PNOC: variants seen among roughly 807,000 people sequenced by gnomAD.
PNOC encodes prepronociceptin.
In PNOC, 10 loss-of-function variants were observed where a neutral mutation model predicts 15.6. The observed-to-expected ratio is 0.64, with a 90% confidence interval of 0.40 to 1.09. The LOEUF (loss-of-function observed/expected upper bound fraction) is 1.09, where lower values mean the gene tolerates loss of function less well. PNOC is among the 50% of genes least tolerant of loss of function. The probability of loss-of-function intolerance (pLI) is 0.01; values close to 1 mark genes in which losing one functional copy is unlikely to be tolerated. For synonymous variants in PNOC, 98 were observed against 88.5 expected, an observed-to-expected ratio of 1.11 and a Z score of -0.60; for missense variants, 220 against 223.9, an observed-to-expected ratio of 0.98 and a Z score of 0.11.
intron 2 of PNOC, 93 bp from the exon 3 acceptor site, chr8:28,338,947 T>C: frequency 2.4e-6 from 3 of 1,242,858 alleles, no homozygotes; most frequent in Non-Finnish European, 3.4e-6. Context: ...TCAGAAGCAC[T>C]TGCACTGGTG....
intron 2 of PNOC, among the ~76,000 whole-genome samples, chr8:28,331,472 C>A (rs1801328569): frequency 6.6e-6 from 1 of 152,154 alleles, no homozygotes; most frequent in Non-Finnish European, 1.5e-5. Flanking sequence ...AGATTCTCTG[C>A]TTTTCACCTC....
intron 1 of PNOC, among the ~76,000 whole-genome samples, chr8:28,318,232 T>G (rs1180328462): frequency 6.6e-6 from 1 of 152,196 alleles, no homozygotes; most frequent in Admixed American, 6.5e-5. Flanking sequence ...AATCTCGCTC[T>G]GAACATGGGC....
At chr8:28,336,879 G>C (rs2614112) in intron 2 of PNOC, among the ~76,000 whole-genome samples, 49,604 of 151,624 alleles carry the variant, frequency 0.33, 9,980 homozygotes, top group Non-Finnish European at 0.46. Context: ...TGAGAGAGGA[G>C]GAAAAGATAT....
rs184561491 is a variant in PNOC, at chr8:28,337,842, C to T, written c.127-1198C>T. 5.4e-3 allele frequency among the ~76,000 whole-genome samples: 814 copies of T among 151,948 alleles called. 7 individuals carry two copies. Among genetic ancestry groups the T allele is most frequent in the African/African-American group, 0.018 (766 of 41,408 alleles). Reference sequence around the variant, plus strand: ...TCCTGACCTCGTGATCCACCCGCCTCGGCCTCCCAAAGTGCTGGGATTACA... The same window carrying T: ...TCCTGACCTCGTGATCCACCCGCCTTGGCCTCCCAAAGTGCTGGGATTACA... On this transcript the variant is annotated intron_variant, in intron 2 of 3. Transcript: ENST00000301908.
chr8:28,333,229 G>C (rs897284012), intron 2 of PNOC, among the ~76,000 whole-genome samples: 7 of 152,116 alleles, frequency 4.6e-5, no homozygotes, highest in Non-Finnish European at 1.0e-4. Flanking sequence ...TCCCCAATGG[G>C]TTCATATGCC....
intron 1 of PNOC, among the ~76,000 whole-genome samples, chr8:28,319,860 T>A (rs1041148609): frequency 6.6e-6 from 1 of 152,158 alleles, no homozygotes; most frequent in Admixed American, 6.5e-5. Flanking sequence ...TGGCTTGAAT[T>A]GCTGGGCAGT....
intron 2 of PNOC, among the ~76,000 whole-genome samples, chr8:28,333,146 ATGTCTCT>A (rs1382062162): frequency 6.6e-6 from 1 of 152,138 alleles, no homozygotes; most frequent in Non-Finnish European, 1.5e-5. Context: ...TAGCTCCCAA[ATGTCTCT>A]TGGTCAGAAG....
At chr8:28,338,064 ACGCTATGAT>A (rs1801443848) in intron 2 of PNOC, among the ~76,000 whole-genome samples, 1 of 152,202 alleles carries the variant, frequency 6.6e-6, no homozygotes, top group Non-Finnish European at 1.5e-5. Context: ...CAGGAGCTCC[ACGCTATGAT>A]GAGGAGCTCT....
At chr8:28,320,121 T>TTTTC (rs11441645) in intron 1 of PNOC, among the ~76,000 whole-genome samples, 1 of 127,600 alleles carries the variant, frequency 7.8e-6, no homozygotes, top group Admixed American at 7.7e-5. Context: ...TTTTTTTTTT[T>TTTTC]CAAAATACTG....
At chr8:28,334,704 G>C (rs1801384477) in intron 2 of PNOC, among the ~76,000 whole-genome samples, 1 of 152,048 alleles carries the variant, frequency 6.6e-6, no homozygotes, top group Non-Finnish European at 1.5e-5. Flanking sequence ...ATGTTGCCCA[G>C]GCTGCTCTCA....
intron 1 of PNOC, among the ~76,000 whole-genome samples, chr8:28,320,048 G>A (rs1003411376): frequency 8.4e-5 from 12 of 142,484 alleles, no homozygotes; most frequent in African/African-American, 2.6e-4. Flanking sequence ...AATTTTCCAC[G>A]ATCCTGTGGG....
At chr8:28,328,956 C>T (rs1377520723) in intron 1 of PNOC, among the ~76,000 whole-genome samples, 179 bp from the exon 2 acceptor site, 2 of 152,142 alleles carry the variant, frequency 1.3e-5, no homozygotes, top group Non-Finnish European at 2.9e-5. Context: ...AGGTGATAGG[C>T]AGGGTCGCCT....
chr8:28,342,560 C>A (rs1801541283), intron 3 of PNOC, among the ~76,000 whole-genome samples: 1 of 152,118 alleles, frequency 6.6e-6, no homozygotes, highest in African/African-American at 2.4e-5. Context: ...GGAAACTGAG[C>A]ACATTCATTC....
chr8:28,340,691 T>C (rs1355630994), intron 3 of PNOC, among the ~76,000 whole-genome samples: 2 of 152,220 alleles, frequency 1.3e-5, no homozygotes, highest in African/African-American at 4.8e-5. Flanking sequence ...ACAAGAAGCA[T>C]GGCACCCGCA....
intron 1 of PNOC, among the ~76,000 whole-genome samples, chr8:28,320,014 T>C (rs546084725): frequency 5.3e-5 from 8 of 151,928 alleles, no homozygotes; most frequent in Admixed American, 2.0e-4. Flanking sequence ...TCTCCCTGGA[T>C]AGGCTACAAT....
At chr8:28,337,728 G>A (rs1036937343) in intron 2 of PNOC, among the ~76,000 whole-genome samples, 20 of 150,432 alleles carry the variant, frequency 1.3e-4, no homozygotes, top group African/African-American at 4.9e-4. Context: ...GACTACAGGC[G>A]CCCGCCACCA....
At chr8:28,331,831 GC>G (rs1801334347) in intron 2 of PNOC, among the ~76,000 whole-genome samples, 1 of 152,190 alleles carries the variant, frequency 6.6e-6, no homozygotes. Context: ...TATGGAGTGA[GC>G]TTTCTTTACT....
chr8:28,324,561 TTAG>T (rs1336781238), intron 1 of PNOC, among the ~76,000 whole-genome samples: 1 of 152,174 alleles, frequency 6.6e-6, no homozygotes, highest in Admixed American at 6.5e-5. Flanking sequence ...AGACGGAAAC[TTAG>T]TAGAATGAGA....
chr8:28,335,919 G>A lies in PNOC; in HGVS notation c.127-3121G>A, dbSNP rs77830260. On this transcript the variant is annotated intron_variant, in intron 2 of 3. Transcript: ENST00000301908. ...CCAGGTGTGGGCTCTGTCTCCAAAGGAAAAAAAAAAAAGAATAAAAGAATC... is the reference window on the plus strand; with the variant it reads ...CCAGGTGTGGGCTCTGTCTCCAAAGAAAAAAAAAAAAAGAATAAAAGAATC... Among the ~76,000 whole-genome samples, 546 of 72,406 alleles carry A rather than the reference G, an allele frequency of 7.5e-3. 3 individuals are homozygous for A. Among genetic ancestry groups the A allele is most frequent in the African/African-American group, 0.015 (472 of 31,626 alleles). The allele number at this position is 72,406 out of a possible 152,430, so 47.5% of individuals were successfully genotyped here.
Sources: allele counts gnomAD v4.1 joint callset (sites outside exome capture counted in the v4.1 genomes callset), GRCh38; gene constraint gnomAD v4.1.1; transcripts MANE v1.5; gene names NCBI Gene and HGNC (gene_info 2026-07-23, HGNC 2026-07-21).